MBP: variants seen among roughly 807,000 people sequenced by gnomAD.
MBP encodes myelin basic protein, also known as Golli-MBP.
A neutral mutation model predicts 35.8 loss-of-function variants in MBP; 16 were observed. The ratio of observed to expected loss-of-function variants is 0.45; its 90% CI spans 0.30 to 0.68. The LOEUF (loss-of-function observed/expected upper bound fraction) is 0.68, where lower values mean the gene tolerates loss of function less well. Among genes scored for constraint, MBP ranks in the 30% least tolerant of loss-of-function variants. The probability of loss-of-function intolerance (pLI) is 0.08; values close to 1 mark genes in which losing one functional copy is unlikely to be tolerated. For synonymous variants in MBP, 143 were observed against 159.6 expected (o/e 0.90, Z 0.78); for missense variants, 380 against 404.7 (o/e 0.94, Z 0.52).
At chr18:77,114,169 C>T (rs1325206243) in intron 1 of MBP, 1 of 152,200 alleles carries the variant, frequency 6.6e-6, no homozygotes, top group Non-Finnish European at 1.5e-5. Context: ...TTTCTTCTGC[C>T]TTAGCAGATT....
intron 7 of MBP, chr18:76,986,436 G>A: frequency 1.0e-5 from 10 of 985,524 alleles, no homozygotes; most frequent in Non-Finnish European, 1.1e-5. Context: ...GCACCTGGCT[G>A]CACCCTCAGC....
intron 3 of MBP, among the ~76,000 whole-genome samples, chr18:77,050,037 T>A (rs1973423175): frequency 6.6e-6 from 1 of 152,214 alleles, no homozygotes; most frequent in Non-Finnish European, 1.5e-5. Flanking sequence ...TGGAAACAAG[T>A]GCTATTTTCA....
At chr18:77,023,271 A>G (rs918963235) in intron 3 of MBP, among the ~76,000 whole-genome samples, 4 of 152,180 alleles carry the variant, frequency 2.6e-5, no homozygotes, top group African/African-American at 9.7e-5. Flanking sequence ...AGGCGTCATG[A>G]CCTGAGGAAG....
chr18:77,010,197 A>C, intron 4 of MBP: 1 of 506,176 alleles, frequency 2.0e-6, no homozygotes, highest in Non-Finnish European at 3.6e-6. Flanking sequence ...AGGAAAGTTT[A>C]GGGAAGAATT....
intron 1 of MBP, among the ~76,000 whole-genome samples, chr18:77,130,685 G>T (rs1408635636): frequency 2.1e-5 from 3 of 146,044 alleles, no homozygotes; most frequent in African/African-American, 5.0e-5. Flanking sequence ...TTGGTCTCTT[G>T]TTTTTTTTTT....
At chr18:77,023,598 C>T (rs372181003) in intron 3 of MBP, among the ~76,000 whole-genome samples, 1 of 152,168 alleles carries the variant, frequency 6.6e-6, no homozygotes, top group East Asian at 1.9e-4. Flanking sequence ...TGCGCCTGCA[C>T]GGACTCCTCA....
At chr18:77,062,303 G>A (rs1026454587) in intron 3 of MBP, among the ~76,000 whole-genome samples, 7 of 152,116 alleles carry the variant, frequency 4.6e-5, no homozygotes, top group African/African-American at 1.2e-4. Context: ...CTTCCTTCCC[G>A]CCTGGTTTCT....
intron 4 of MBP, chr18:77,009,852 G>A: frequency 6.3e-7 from 1 of 1,585,848 alleles, no homozygotes; most frequent in Non-Finnish European, 8.6e-7. Flanking sequence ...GTCTTACCTT[G>A]TACATGTTGC....
chr18:77,060,140 T>C (rs1973904633), intron 3 of MBP, among the ~76,000 whole-genome samples: 1 of 152,180 alleles, frequency 6.6e-6, no homozygotes, highest in African/African-American at 2.4e-5. Context: ...CCAGAATGGC[T>C]GGCCCCGCCA....
intron 2 of MBP, among the ~76,000 whole-genome samples, chr18:77,091,730 T>TAC (rs901400003): frequency 6.7e-6 from 1 of 149,334 alleles, no homozygotes; most frequent in African/African-American, 2.5e-5. Flanking sequence ...TACACACATA[T>TAC]ACACACCACA....
chr18:77,093,038 GT>G (rs1203879954), intron 2 of MBP: 9 of 152,182 alleles, frequency 5.9e-5, no homozygotes, highest in African/African-American at 2.2e-4. Context: ...CTGGGCCATA[GT>G]TTCTGACAAA....
chr18:76,986,859 C>T (rs1024241148), intron 7 of MBP: 2 of 985,464 alleles, frequency 2.0e-6, no homozygotes, highest in African/African-American at 1.7e-5. Context: ...GCCTTTCCTC[C>T]TTTCCAATCC....
intron 1 of MBP, among the ~76,000 whole-genome samples, chr18:77,122,203 G>A (rs879129579): frequency 6.6e-6 from 1 of 152,162 alleles, no homozygotes; most frequent in African/African-American, 2.4e-5. Context: ...GCTAACACAT[G>A]TTTTAACAGT....
chr18:77,056,744 T>TA (rs1973740133), intron 3 of MBP, among the ~76,000 whole-genome samples: 1 of 152,090 alleles, frequency 6.6e-6, no homozygotes, highest in African/African-American at 2.4e-5. Flanking sequence ...CTCCCTGGGG[T>TA]AACTTTTCTT....
chr18:77,001,060 A>G (rs555134023), intron 4 of MBP, among the ~76,000 whole-genome samples: 5 of 152,342 alleles, frequency 3.3e-5, no homozygotes, highest in East Asian at 3.9e-4. Flanking sequence ...AACGATCATA[A>G]GGTCAATACG....
In MBP at chr18:77,131,819, C is replaced by CCTTT. The variant is rs1977282706; in HGVS notation, c.-26+760_-26+761insAAAG. 1.3e-5 allele frequency: 2 copies of CCTTT among 152,786 alleles called. No individual in the cohort carries two copies. The highest frequency in any genetic ancestry group is 2.9e-5 in the Non-Finnish European group (2 of 68,574). 9.5% of individuals were successfully genotyped at this position (152,786 alleles called of 1,614,324 possible). A position where few individuals can be genotyped will look rare whatever the true frequency, so the allele number is the denominator to read the frequency against. On this transcript the variant is annotated intron_variant, in intron 1 of 8. Coordinates refer to ENST00000355994, the MANE Select transcript of MBP (RefSeq NM_001025101.2). The surrounding 1 kb of genome is among the most constrained non-coding windows in gnomAD (Gnocchi z 5.5). Reference sequence around the variant, plus strand: ...ACAGGCAGTGGGGCCCAGGAGGGGACTGCCGGGAAGACCCGGGCGGGCCGG... The same window carrying CCTTT: ...ACAGGCAGTGGGGCCCAGGAGGGGACCTTTTGCCGGGAAGACCCGGGCGGGCCGG...
chr18:77,119,794 A>G (rs1272692606), intron 1 of MBP, among the ~76,000 whole-genome samples: 4 of 152,160 alleles, frequency 2.6e-5, no homozygotes. Context: ...TTGGCACCGA[A>G]GTTGGGGTGC....
chr18:77,003,166 G>C (rs1025892376), intron 4 of MBP: 1 of 152,062 alleles, frequency 6.6e-6, no homozygotes, highest in Non-Finnish European at 1.5e-5. Context: ...TAAAACAAAG[G>C]GCCCATCAGT....
At chr18:77,104,979 T>A (rs1173837735) in intron 2 of MBP, among the ~76,000 whole-genome samples, 1 of 152,104 alleles carries the variant, frequency 6.6e-6, no homozygotes, top group African/African-American at 2.4e-5. Flanking sequence ...CTTTGCAAGG[T>A]CAGGATGTAC....
Sources: gnomAD v4.1 joint callset for allele counts (sites outside exome capture counted in the v4.1 genomes callset) on GRCh38, gnomAD v4.1.1 for gene constraint, Gnocchi (gnomAD v3.1) non-coding constraint, MANE v1.5 for transcripts, NCBI Gene and HGNC (gene_info 2026-07-23, HGNC 2026-07-21) for gene names.